The following SAMMSON variants were observed in gnomAD, a reference collection of about 807,000 sequenced individuals.
SAMMSON encodes survival associated mitochondrial melanoma specific oncogenic non-coding RNA, also known as long intergenic non-protein coding RNA 1212.
Position 70,017,978 on chromosome 3 carries a change from T to C in SAMMSON, n.417+4306T>C, listed in dbSNP as rs190306787. Reference sequence around the variant, plus strand: ...AAGCTTTTTGATGTGTTGCTGGATTTGGTTTGCCAGTATTTTATTGAGGAT... The same window carrying C: ...AAGCTTTTTGATGTGTTGCTGGATTCGGTTTGCCAGTATTTTATTGAGGAT... On this transcript the variant is annotated intron_variant and non_coding_transcript_variant, in intron 3 of 9. Coordinates refer to ENST00000642114, the Ensembl canonical transcript of SAMMSON. 7.3e-3 allele frequency among the ~76,000 whole-genome samples: 1,118 copies of C among 152,252 alleles called. 10 individuals are homozygous for C. Among genetic ancestry groups the C allele is most frequent in the African/African-American group, 0.023 (935 of 41,532 alleles).
intron 2 of SAMMSON, among the ~76,000 whole-genome samples, chr3:70,433,494 T>C (rs1279731458): frequency 6.6e-6 from 1 of 152,158 alleles, no homozygotes; most frequent in East Asian, 1.9e-4. Flanking sequence ...GCCTGTTTTT[T>C]AATCAGATTG....
chr3:70,376,110 G>T (rs2058890), intron 9 of SAMMSON, among the ~76,000 whole-genome samples: 93,917 of 151,956 alleles, frequency 0.62, 29,359 homozygotes, highest in East Asian at 0.88. Context: ...TTTTCATACT[G>T]CAGAAGAATC....
intron 2 of SAMMSON, among the ~76,000 whole-genome samples, chr3:70,429,441 C>T (rs558932337): frequency 6.6e-6 from 1 of 152,264 alleles, no homozygotes; most frequent in South Asian, 2.1e-4. Flanking sequence ...ATTGTCTTGG[C>T]TATACAGGCT....
intron 4 of SAMMSON, among the ~76,000 whole-genome samples, chr3:70,136,053 G>A (rs1324429861): frequency 6.6e-6 from 1 of 151,446 alleles, no homozygotes; most frequent in East Asian, 1.9e-4. Flanking sequence ...ACACAAAATT[G>A]GAATATTTTA....
At chr3:70,335,076 C>A (rs1334046702) in intron 7 of SAMMSON, among the ~76,000 whole-genome samples, 11 of 133,338 alleles carry the variant, frequency 8.2e-5, no homozygotes, top group South Asian at 2.4e-4. Context: ...AAAAAAAAAA[C>A]AACTCTATAG....
chr3:70,255,069 C>A (rs145430475), intron 6 of SAMMSON, among the ~76,000 whole-genome samples: 7 of 151,970 alleles, frequency 4.6e-5, no homozygotes, highest in Non-Finnish European at 8.8e-5. Flanking sequence ...AAGAGAGAAA[C>A]GCAGGTAAAA....
intron 7 of SAMMSON, among the ~76,000 whole-genome samples, chr3:70,299,928 C>CAA (rs2106700631): frequency 6.6e-6 from 1 of 152,164 alleles, no homozygotes; most frequent in South Asian, 2.1e-4. Context: ...CTCCCACACA[C>CAA]GCCCTTTCTC....
At chr3:70,207,833 T>A (rs1235611747) in intron 4 of SAMMSON, among the ~76,000 whole-genome samples, 1 of 151,988 alleles carries the variant, frequency 6.6e-6, no homozygotes, top group Non-Finnish European at 1.5e-5. Flanking sequence ...AAAATTTCGA[T>A]ATCTGTGGAG....
At chr3:70,344,522 C>A (rs1702735244) in intron 7 of SAMMSON, among the ~76,000 whole-genome samples, 1 of 152,214 alleles carries the variant, frequency 6.6e-6, no homozygotes, top group South Asian at 2.1e-4. Flanking sequence ...CCTGATTCTT[C>A]CTGGACACCA....
At chr3:70,216,362 T>G (rs1240388956) in intron 4 of SAMMSON, among the ~76,000 whole-genome samples, 2 of 151,470 alleles carry the variant, frequency 1.3e-5, no homozygotes, top group Non-Finnish European at 2.9e-5. Context: ...TAGATGTCAT[T>G]CATTTTTCTA....
chr3:70,027,062 C>T (rs1404199504), intron 3 of SAMMSON, among the ~76,000 whole-genome samples: 3 of 152,124 alleles, frequency 2.0e-5, no homozygotes, highest in Non-Finnish European at 2.9e-5. Flanking sequence ...AAGTCTGCGA[C>T]CCTGCAGATC....
In SAMMSON at chr3:70,340,211, G is replaced by C. The variant is rs113216593; in HGVS notation, n.740-13964G>C. Among the ~76,000 whole-genome samples the C allele has an allele frequency of 2.7e-5, 4 of 148,360 alleles. No homozygotes were observed. The East Asian group carries it at 8.0e-4, about 30-fold the overall frequency. ...GAACAATGAGAACACTTGGACACAG[G>C]GTGGGGAACATCACACACTGAGGCC... is the stretch of plus-strand genomic sequence containing the variant. On this transcript the variant is annotated intron_variant and non_coding_transcript_variant, in intron 7 of 9. Coordinates refer to ENST00000642114, the Ensembl canonical transcript of SAMMSON.
intron 3 of SAMMSON, among the ~76,000 whole-genome samples, chr3:70,023,460 C>CA (rs34244262): frequency 0.091 from 11,984 of 131,872 alleles, 644 homozygotes; most frequent in Non-Finnish European, 0.13. Context: ...GACTCTGTCT[C>CA]AAAAAAAAAA....
intron 9 of SAMMSON, among the ~76,000 whole-genome samples, chr3:70,386,218 C>T (rs568778673): frequency 3.3e-5 from 5 of 152,146 alleles, no homozygotes; most frequent in East Asian, 3.9e-4. Context: ...ACAGAAGCTC[C>T]GCTGATTATC....
chr3:70,126,412 TG>T, intron 4 of SAMMSON: 2 of 788,632 alleles, frequency 2.5e-6, no homozygotes, highest in Non-Finnish European at 4.3e-6. Context: ...TGGCAAAAGC[TG>T]TATGTTTCAG....
chr3:70,064,896 T>C (rs2067203621), intron 3 of SAMMSON, among the ~76,000 whole-genome samples: 1 of 152,110 alleles, frequency 6.6e-6, no homozygotes, highest in Non-Finnish European at 1.5e-5. Flanking sequence ...GAAAAAGTTA[T>C]ATAAATAGGA....
At chr3:70,402,355 T>C (rs1157598794) in intron 2 of SAMMSON, among the ~76,000 whole-genome samples, 4 of 152,208 alleles carry the variant, frequency 2.6e-5, no homozygotes, top group Admixed American at 6.5e-5. Context: ...AATTGACATA[T>C]GAATGCCTAC....
At chr3:70,060,406 T>C (rs763294482) in intron 3 of SAMMSON, among the ~76,000 whole-genome samples, 5 of 152,096 alleles carry the variant, frequency 3.3e-5, no homozygotes, top group Non-Finnish European at 5.9e-5. Flanking sequence ...CTAATAAATA[T>C]GAAAAAGTCA....
intron 7 of SAMMSON, among the ~76,000 whole-genome samples, chr3:70,301,239 G>A (rs887627954): frequency 6.6e-6 from 1 of 152,018 alleles, no homozygotes; most frequent in African/African-American, 2.4e-5. Flanking sequence ...AACCTACTGA[G>A]TCCATTAAAA....
Sources: allele counts gnomAD v4.1 joint callset (sites outside exome capture counted in the v4.1 genomes callset), GRCh38; gene constraint gnomAD v4.1.1; transcripts MANE v1.5; gene names NCBI Gene and HGNC (gene_info 2026-07-23, HGNC 2026-07-21).